The following SMPD3 variants were observed in gnomAD, a reference collection of about 807,000 sequenced individuals.
SMPD3 encodes sphingomyelin phosphodiesterase 3, also known as nSMase-2.
SMPD3 carries 21 observed loss-of-function variants against 55.7 expected under a neutral mutation model. The observed-to-expected ratio is 0.38, with a 90% CI of 0.27 to 0.54. SMPD3 has a LOEUF of 0.54. SMPD3 is among the 20% of genes least tolerant of loss of function. The probability of loss-of-function intolerance (pLI) is 0.80; values close to 1 mark genes in which losing one functional copy is unlikely to be tolerated. For synonymous variants in SMPD3, 457 were observed against 404.3 expected (o/e 1.13, Z -1.56); for missense variants, 842 against 899.6 (o/e 0.94, Z 0.82).
At chr16:68,364,457 C>T (rs956820119) in intron 5 of SMPD3, 5 of 363,568 alleles carry the variant, frequency 1.4e-5, no homozygotes, top group South Asian at 1.1e-4. Context: ...CGCGGCGCCC[C>T]GTTGATGGGT....
rs777933025 is a variant in SMPD3, at chr16:68,371,567, C to T, written c.615G>A (p.Lys205=). The change falls in exon 3 of 9, where the codon AAG becomes AAA. Residue 205 remains lysine, a synonymous_variant. Coordinates refer to ENST00000219334, the MANE Select transcript of SMPD3 (RefSeq NM_018667.4). ...CCTTGTACTCCACAGAGGCTGTCCT[C>T]TTAATGCTCCCGGGGACGGCCCGGG... ...GVARAVPGSI[K]RTASVEYKGD... is the part of the protein sequence containing the mutation. 49 of 1,589,276 alleles carry T rather than the reference C, an allele frequency of 3.1e-5. No individual in the cohort carries two copies. The highest frequency in any genetic ancestry group is 4.1e-5 in the Non-Finnish European group (48 of 1,170,148).
intron 1 of SMPD3, among the ~76,000 whole-genome samples, chr16:68,389,921 T>C (rs188631980): frequency 3.9e-5 from 6 of 152,334 alleles, no homozygotes; most frequent in Non-Finnish European, 8.8e-5. Flanking sequence ...CACAGTAAAG[T>C]GAAAGCAAGT....
intron 1 of SMPD3, among the ~76,000 whole-genome samples, chr16:68,401,658 ATCT>A (rs2090207125): frequency 6.6e-6 from 1 of 152,150 alleles, no homozygotes; most frequent in South Asian, 2.1e-4. Flanking sequence ...AGGAACTTCA[ATCT>A]TCTTATTGCA....
chr16:68,396,595 C>T (rs557511812), intron 1 of SMPD3, among the ~76,000 whole-genome samples: 26 of 152,284 alleles, frequency 1.7e-4, no homozygotes, highest in African/African-American at 6.3e-4. Flanking sequence ...CAGCGTAGAG[C>T]CCCCTGAGCT....
intron 1 of SMPD3, among the ~76,000 whole-genome samples, chr16:68,396,613 C>T (rs1289363678): frequency 6.6e-6 from 1 of 151,930 alleles, no homozygotes. Context: ...GCTCCAAGCA[C>T]AGGGCCCAGT....
intron 1 of SMPD3, among the ~76,000 whole-genome samples, chr16:68,425,756 C>T (rs2090431674): frequency 6.6e-6 from 1 of 152,064 alleles, no homozygotes; most frequent in Non-Finnish European, 1.5e-5. Flanking sequence ...CGGCCTCGGG[C>T]CAGCCCAGGC....
At chr16:68,395,273 G>C (rs1211573610) in intron 1 of SMPD3, among the ~76,000 whole-genome samples, 2 of 152,158 alleles carry the variant, frequency 1.3e-5, no homozygotes, top group Non-Finnish European at 2.9e-5. Flanking sequence ...GGTGGCAACT[G>C]TAATCTGGTC....
chr16:68,402,634 C>T (rs1204265009), intron 1 of SMPD3, among the ~76,000 whole-genome samples: 1 of 151,630 alleles, frequency 6.6e-6, no homozygotes, highest in Non-Finnish European at 1.5e-5. Flanking sequence ...CTGCCAGCCC[C>T]GATGACCAAC....
In SMPD3 at chr16:68,361,152, C is replaced by G. The variant is rs2089236577; in HGVS notation, c.*54G>C. On this transcript the variant is annotated 3_prime_UTR_variant, in exon 9 of 9. Transcript: ENST00000219334. ...GGCACTCGATGGAGGGGACATGGCCCAGGGATGGGCTGCAGCTGCAAGGGC... is the reference window on the plus strand; with the variant it reads ...GGCACTCGATGGAGGGGACATGGCCGAGGGATGGGCTGCAGCTGCAAGGGC... The G allele has an allele frequency of 1.3e-6, 2 of 1,537,536 alleles. No individual in the cohort carries two copies. Among genetic ancestry groups the G allele is most frequent in the South Asian group, 1.2e-5 (1 of 86,734 alleles).
In SMPD3 at chr16:68,361,748, C is replaced by G; in HGVS notation, c.1721G>C (p.Ser574Thr). 1 of 1,612,512 alleles carries G rather than the reference C, an allele frequency of 6.2e-7. No individual in the cohort carries two copies. Among genetic ancestry groups the G allele is most frequent in the Non-Finnish European group, 8.5e-7 (1 of 1,179,940 alleles). ...TPDNLQKVLESEEGRREYLAF... is the reference protein window; with the variant it reads ...TPDNLQKVLETEEGRREYLAF... ...CAGGTACTCCCTGCGGCCCTCCTCA[C>G]TCTCCAGGACCCTGTCCACACATGC... The change falls in exon 8 of 9, where the codon AGT (serine) becomes ACT (threonine). Residue 574 changes from serine (S) to threonine (T), a missense_variant. Physicochemically the swap from Ser to Thr is moderately conservative, Grantham distance 58 (BLOSUM62 1). Around this residue, in one of 2 missense-constraint regions of SMPD3, gnomAD observed 649 missense variants for 643.6 expected, o/e 1.01. Transcript: ENST00000219334.
At chr16:68,430,276 C>T (rs1334620530) in intron 1 of SMPD3, among the ~76,000 whole-genome samples, 2 of 152,048 alleles carry the variant, frequency 1.3e-5, no homozygotes, top group Non-Finnish European at 1.5e-5. Context: ...GGATAACACA[C>T]AGGCCTTAGA....
chr16:68,361,149 G>T lies in SMPD3; in HGVS notation c.*57C>A. 1 of 1,515,984 alleles carries T rather than the reference G, an allele frequency of 6.6e-7. No individual in the cohort carries two copies. The highest frequency in any genetic ancestry group is 9.1e-7 in the Non-Finnish European group (1 of 1,101,254). The allele number at this position is 1,515,984 out of a possible 1,614,324, so 93.9% of individuals were successfully genotyped here. A position where few individuals can be genotyped will look rare whatever the true frequency, so the allele number is the denominator to read the frequency against. ...CCGGGCACTCGATGGAGGGGACATG[G>T]CCCAGGGATGGGCTGCAGCTGCAAG... is the stretch of plus-strand genomic sequence containing the variant. On this transcript the variant is annotated 3_prime_UTR_variant, in exon 9 of 9. Coordinates refer to ENST00000219334, the MANE Select transcript of SMPD3 (RefSeq NM_018667.4).
rs190520530 is a variant in SMPD3, at chr16:68,435,274, G to A, written c.-269+13079C>T. On this transcript the variant is annotated intron_variant, in intron 1 of 8. Coordinates refer to ENST00000219334, the MANE Select transcript of SMPD3 (RefSeq NM_018667.4). The stretch of plus-strand genomic sequence containing the variant: ...CTAGAAAGGTGGGTCAGGGCCTATT[G>A]GTCTCAGCTGGGAAACTTCCTGGGC... Among the ~76,000 whole-genome samples the A allele has an allele frequency of 1.1e-3, 162 of 152,250 alleles. 1 individual carries two copies. Among genetic ancestry groups the A allele is most frequent in the Admixed American group, 8.9e-3 (136 of 15,296 alleles).
intron 2 of SMPD3, among the ~76,000 whole-genome samples, chr16:68,377,846 G>C (rs1597619632): frequency 6.6e-6 from 1 of 152,256 alleles, no homozygotes; most frequent in African/African-American, 2.4e-5. Flanking sequence ...GAATTTCTCT[G>C]GTGGTGGGAA....
chr16:68,426,824 T>C (rs1346241244), intron 1 of SMPD3, among the ~76,000 whole-genome samples: 1 of 152,060 alleles, frequency 6.6e-6, no homozygotes, highest in East Asian at 1.9e-4. Flanking sequence ...AATAACCTCA[T>C]TTGTGGAGTG....
At chr16:68,397,106 G>A (rs1597644013) in intron 1 of SMPD3, among the ~76,000 whole-genome samples, 1 of 152,158 alleles carries the variant, frequency 6.6e-6, no homozygotes, top group African/African-American at 2.4e-5. Context: ...ACAGCAGAGG[G>A]TGGCACAGAT....
chr16:68,371,314 C>T lies in SMPD3; in HGVS notation c.868G>A (p.Gly290Arg), dbSNP rs770398326. 6.3e-7 allele frequency: 1 copy of T among 1,599,158 alleles called. No homozygotes were observed. Among genetic ancestry groups the T allele is most frequent in the South Asian group, 1.1e-5 (1 of 90,686 alleles). ...GAGGCCGAGGGGCTGCCCAGGCTCC[C>T]TGAATCCCCGTCCTGCTGATTATGG... ...PNHNQQDGDSGSLGSPSASRE... is the reference protein window; with the variant it reads ...PNHNQQDGDSRSLGSPSASRE... The change falls in exon 3 of 9, where the codon GGG (glycine) becomes AGG (arginine). Residue 290 changes from glycine to arginine, a missense_variant. Physicochemically the swap from Gly to Arg is moderately radical, Grantham distance 125. This residue lies in a region of SMPD3 where 649 missense variants were observed against 643.6 expected (regional missense o/e 1.01). Transcript: ENST00000219334.
intron 1 of SMPD3, among the ~76,000 whole-genome samples, chr16:68,445,954 G>A (rs929855423): frequency 2.6e-5 from 4 of 152,122 alleles, no homozygotes; most frequent in African/African-American, 2.4e-5. Context: ...CCTCTCTGAG[G>A]AAACAGTATT....
At chr16:68,409,377 T>C (rs1226771565) in intron 1 of SMPD3, among the ~76,000 whole-genome samples, 1 of 152,204 alleles carries the variant, frequency 6.6e-6, no homozygotes, top group Non-Finnish European at 1.5e-5. Context: ...CTTACACGCC[T>C]GACTCGGGCT....
Sources: allele counts gnomAD v4.1 joint callset (sites outside exome capture counted in the v4.1 genomes callset), GRCh38; gene constraint gnomAD v4.1.1; regional missense constraint gnomAD v4.1.1; transcripts MANE v1.5; gene names NCBI Gene and HGNC (gene_info 2026-07-23, HGNC 2026-07-21).